Variants in ZNF148 observed in about 807,000 individuals in gnomAD.
The protein encoded by ZNF148 is zinc finger protein 148.
A neutral mutation model predicts 67.7 loss-of-function variants in ZNF148; 7 were observed. That is an observed-to-expected ratio of 0.10 (90% CI 0.06 to 0.19). The LOEUF (loss-of-function observed/expected upper bound fraction) is 0.19. Among genes scored for constraint, ZNF148 ranks in the 10% least tolerant of loss-of-function variants. The pLI is 1.00. For missense variants in ZNF148, 583 were observed against 947.1 expected (o/e 0.62, Z 5.05); for synonymous variants, 333 against 330.7 (o/e 1.01, Z -0.08).
At chr3:125,368,719 T>A (rs1345605356) in intron 1 of ZNF148, among the ~76,000 whole-genome samples, 2 of 150,970 alleles carry the variant, frequency 1.3e-5, no homozygotes, top group Non-Finnish European at 2.9e-5. Context: ...CCAAGGTGAG[T>A]GGATCACTTG....
At chr3:125,247,251 T>C (rs988950573) in intron 7 of ZNF148, among the ~76,000 whole-genome samples, 4 of 152,194 alleles carry the variant, frequency 2.6e-5, no homozygotes, top group African/African-American at 9.7e-5. Context: ...AGATTGGCAA[T>C]GTTTGCCCAT....
intron 4 of ZNF148, among the ~76,000 whole-genome samples, chr3:125,288,487 G>A (rs1938828732): frequency 6.6e-6 from 1 of 151,348 alleles, no homozygotes; most frequent in Non-Finnish European, 1.5e-5. Flanking sequence ...AAGACGTCCT[G>A]GGAAAAGATG....
chr3:125,374,585 G>A (rs1272021019), intron 1 of ZNF148, among the ~76,000 whole-genome samples: 6 of 151,014 alleles, frequency 4.0e-5, no homozygotes, highest in Admixed American at 3.3e-4. Context: ...CCGGCCCCTC[G>A]CCCTGTTCGC....
chr3:125,343,366 A>T (rs1020427930), intron 1 of ZNF148, among the ~76,000 whole-genome samples: 3 of 152,100 alleles, frequency 2.0e-5, no homozygotes, highest in African/African-American at 7.2e-5. Flanking sequence ...CTTCCTGGGG[A>T]CTAGGGACTT....
At chr3:125,298,123 T>A (rs1441908783) in intron 4 of ZNF148, among the ~76,000 whole-genome samples, 1 of 152,136 alleles carries the variant, frequency 6.6e-6, no homozygotes, top group Non-Finnish European at 1.5e-5. Flanking sequence ...CAGGTAAAAC[T>A]AATAGACTAT....
At chr3:125,282,341 C>T (rs1938435691) in intron 5 of ZNF148, among the ~76,000 whole-genome samples, 1 of 152,134 alleles carries the variant, frequency 6.6e-6, no homozygotes, top group South Asian at 2.1e-4. Context: ...TTCCATAAAA[C>T]ATCTTTGCTT....
intron 4 of ZNF148, among the ~76,000 whole-genome samples, chr3:125,305,791 CAAAAAAA>C (rs778876630): frequency 2.4e-5 from 2 of 81,992 alleles, no homozygotes; most frequent in African/African-American, 9.1e-5. Context: ...CCAGCACGGG[CAAAAAAA>C]AAAAAAAGAA....
At chr3:125,351,380 C>CAAAA (rs1158167448) in intron 1 of ZNF148, among the ~76,000 whole-genome samples, 2,955 of 50,786 alleles carry the variant, frequency 0.058, 562 homozygotes, top group Middle Eastern at 0.1. Context: ...CCTTGTTTCT[C>CAAAA]AAAAAAAAAA....
In ZNF148 at chr3:125,323,432, T is replaced by C. The variant is rs1040550410; in HGVS notation, c.-140A>G. 3 of 684,886 alleles carry C rather than the reference T, an allele frequency of 4.4e-6. No homozygotes were observed. The highest frequency in any genetic ancestry group is 2.7e-5 in the East Asian group (1 of 36,724). 42.4% of individuals were successfully genotyped at this position (684,886 alleles called of 1,614,324 possible). A position where few individuals can be genotyped will look rare whatever the true frequency, so the allele number is the denominator to read the frequency against. The stretch of plus-strand genomic sequence containing the variant: ...TCCTCAATACCACCTTAATCACTTA[T>C]GCCATCCGATTCCTACAATAAAACA... On this transcript the variant is annotated 5_prime_UTR_variant, in exon 3 of 9. Transcript: ENST00000360647.
chr3:125,355,320 C>A (rs1019272539), intron 1 of ZNF148, among the ~76,000 whole-genome samples: 3 of 152,146 alleles, frequency 2.0e-5, no homozygotes, highest in Admixed American at 6.5e-5. Flanking sequence ...AACATCAGCA[C>A]TACTGACATT....
chr3:125,340,810 C>A (rs1175500149), intron 1 of ZNF148, among the ~76,000 whole-genome samples: 1 of 151,328 alleles, frequency 6.6e-6, no homozygotes, highest in African/African-American at 2.4e-5. Flanking sequence ...AACGGTGAAA[C>A]CCCGTCTCTA....
chr3:125,282,134 T>C (rs1349476378), intron 5 of ZNF148, among the ~76,000 whole-genome samples: 1 of 152,080 alleles, frequency 6.6e-6, no homozygotes, highest in Non-Finnish European at 1.5e-5. Flanking sequence ...GATAACTGAG[T>C]AGTGAGAGAA....
chr3:125,314,346 G>A (rs1237601846), intron 3 of ZNF148, among the ~76,000 whole-genome samples: 1 of 152,116 alleles, frequency 6.6e-6, no homozygotes, highest in Non-Finnish European at 1.5e-5. Context: ...AATTTATCTT[G>A]ATGAAATAAA....
chr3:125,240,531 A>C (rs1443332870), intron 7 of ZNF148, among the ~76,000 whole-genome samples: 1 of 152,180 alleles, frequency 6.6e-6, no homozygotes, highest in African/African-American at 2.4e-5. Context: ...CGAGAGGTTC[A>C]GGCGGGAGGA....
At chr3:125,268,028 T>TA (rs1937573789) in intron 7 of ZNF148, among the ~76,000 whole-genome samples, 1 of 151,862 alleles carries the variant, frequency 6.6e-6, no homozygotes, top group African/African-American at 2.4e-5. Flanking sequence ...AAGATCTCTA[T>TA]AAGAAGAACT....
At chr3:125,330,326 G>A (rs1357333854) in intron 2 of ZNF148, among the ~76,000 whole-genome samples, 1 of 151,508 alleles carries the variant, frequency 6.6e-6, no homozygotes, top group Non-Finnish European at 1.5e-5. Context: ...TTAGCCAGGT[G>A]TGGTGGCATG....
At chr3:125,364,401 CAG>C (rs1942639955) in intron 1 of ZNF148, among the ~76,000 whole-genome samples, 1 of 151,978 alleles carries the variant, frequency 6.6e-6, no homozygotes, top group Admixed American at 6.6e-5. Context: ...AAAAAACAAA[CAG>C]AACACCTCAG....
chr3:125,283,558 T>C (rs62270332), intron 5 of ZNF148, among the ~76,000 whole-genome samples: 1 of 152,124 alleles, frequency 6.6e-6, no homozygotes, highest in Non-Finnish European at 1.5e-5. Flanking sequence ...AGACACACAA[T>C]TTCCTGGGAA....
chr3:125,369,921 A>G (rs56321335), intron 1 of ZNF148, among the ~76,000 whole-genome samples: 23 of 151,522 alleles, frequency 1.5e-4, no homozygotes, highest in African/African-American at 5.6e-4. Context: ...GTTTGAACCC[A>G]GCAGTGAGCT....
Sources: allele counts gnomAD v4.1 joint callset (sites outside exome capture counted in the v4.1 genomes callset), GRCh38; gene constraint gnomAD v4.1.1; transcripts MANE v1.5; gene names NCBI Gene and HGNC (gene_info 2026-07-23, HGNC 2026-07-21).